CAMTA1: variants seen among roughly 807,000 people sequenced by gnomAD.
The protein encoded by CAMTA1 is calmodulin-binding transcription activator 1.
A neutral mutation model predicts 170.9 loss-of-function variants in CAMTA1; 27 were observed. The ratio of observed to expected loss-of-function variants is 0.16; its 90% CI spans 0.12 to 0.22. The LOEUF (loss-of-function observed/expected upper bound fraction) is 0.22, where lower values mean the gene tolerates loss of function less well. CAMTA1 is among the 10% of genes least tolerant of loss of function. CAMTA1 has a pLI of 1.00. For synonymous variants in CAMTA1, 833 were observed against 891.5 expected (o/e 0.93, Z 1.17); for missense variants, 1,619 against 2,217.2 (o/e 0.73, Z 5.42).
At position 7,476,437 on chromosome 1, in the gene CAMTA1, AGGAT is replaced by A. The variant is rs1392432385; in HGVS notation, c.510+8540_510+8543del. On this transcript the variant is annotated intron_variant, in intron 6 of 22. Coordinates refer to ENST00000303635, the MANE Select transcript of CAMTA1 (RefSeq NM_015215.4). Reference sequence around the variant, plus strand: ...CTGGAGGAGGTGAGCCCAAAGTTGAAGGATGGAAGAAATGGGGAGGGGGTGTTTC... The same window carrying A: ...CTGGAGGAGGTGAGCCCAAAGTTGAAGGAAGAAATGGGGAGGGGGTGTTTC... 2.2e-4 allele frequency among the ~76,000 whole-genome samples: 33 copies of A among 152,170 alleles called. 1 individual carries two copies. Among genetic ancestry groups the A allele is most frequent in the Admixed American group, 2.2e-3 (33 of 15,286 alleles).
intron 11 of CAMTA1, among the ~76,000 whole-genome samples, chr1:7,726,120 A>G (rs1363760070): frequency 1.3e-5 from 2 of 152,234 alleles, no homozygotes; most frequent in African/African-American, 2.4e-5. Context: ...TAGATCCAGG[A>G]GTTATGGGAC....
intron 9 of CAMTA1, among the ~76,000 whole-genome samples, chr1:7,668,975 C>T (rs1003974728): frequency 1.6e-4 from 25 of 152,158 alleles, no homozygotes; most frequent in Non-Finnish European, 7.4e-5. Flanking sequence ...TCCGCCGGCA[C>T]TCTTCTCAGC....
At chr1:7,176,748 G>A (rs1052479284) in intron 4 of CAMTA1, among the ~76,000 whole-genome samples, 19 of 152,192 alleles carry the variant, frequency 1.2e-4, no homozygotes, top group Non-Finnish European at 2.8e-4. Context: ...GTATAGTAAA[G>A]CAATGACAAT....
chr1:7,165,244 G>A (rs543323548), intron 4 of CAMTA1, among the ~76,000 whole-genome samples: 2 of 152,282 alleles, frequency 1.3e-5, no homozygotes, highest in East Asian at 3.9e-4. Context: ...GATACCTACA[G>A]ACAAGCATAG....
At chr1:7,602,144 C>CT (rs1194023975) in intron 6 of CAMTA1, among the ~76,000 whole-genome samples, 18 of 139,004 alleles carry the variant, frequency 1.3e-4, no homozygotes, top group African/African-American at 3.8e-4. Flanking sequence ...TCCTTCCTTC[C>CT]TCCCTCCCTC....
chr1:7,430,201 C>T (rs1387588840), intron 5 of CAMTA1, among the ~76,000 whole-genome samples: 1 of 151,270 alleles, frequency 6.6e-6, no homozygotes, highest in African/African-American at 2.4e-5. Context: ...ACGGTGATAA[C>T]ATGGATGATG....
intron 3 of CAMTA1, among the ~76,000 whole-genome samples, chr1:6,839,488 C>G (rs922319733): frequency 2.0e-5 from 3 of 152,158 alleles, no homozygotes; most frequent in African/African-American, 2.4e-5. Context: ...GTGCCAGGCA[C>G]TAGTTGGAGT....
At position 7,146,887 on chromosome 1, in the gene CAMTA1, CAT is replaced by C. The variant is rs1646223073; in HGVS notation, c.302+55519_302+55520del. Among the ~76,000 whole-genome samples, 1 of 151,908 alleles carries C rather than the reference CAT, an allele frequency of 6.6e-6. No individual in the cohort carries two copies. Among genetic ancestry groups the C allele is most frequent in the Non-Finnish European group, 1.5e-5 (1 of 67,994 alleles). On this transcript the variant is annotated intron_variant, in intron 4 of 22. Coordinates refer to ENST00000303635, the MANE Select transcript of CAMTA1 (RefSeq NM_015215.4). This position sits in a 1 kb window ranked among gnomAD's most constrained non-coding sequence, Gnocchi z 4.3. Reference sequence around the variant, plus strand: ...CACAACATGTACACAGACACTCAAACATATGCCGTGCATACACATACACATCA... The same window carrying C: ...CACAACATGTACACAGACACTCAAACATGCCGTGCATACACATACACATCA...
intron 6 of CAMTA1, among the ~76,000 whole-genome samples, chr1:7,617,426 G>T (rs940739726): frequency 6.6e-6 from 1 of 152,174 alleles, no homozygotes; most frequent in Non-Finnish European, 1.5e-5. Flanking sequence ...GAAATGGCTC[G>T]AGGCAATTCT....
intron 7 of CAMTA1, among the ~76,000 whole-genome samples, chr1:7,654,573 CA>C (rs2095867752): frequency 6.7e-6 from 1 of 149,322 alleles, no homozygotes; most frequent in South Asian, 2.2e-4. Flanking sequence ...TATACACACA[CA>C]CCTATACATA....
chr1:6,932,719 T>G (rs1684622581), intron 3 of CAMTA1, among the ~76,000 whole-genome samples: 1 of 152,240 alleles, frequency 6.6e-6, no homozygotes, highest in South Asian at 2.1e-4. Flanking sequence ...CGTCATGGTT[T>G]GAATTTGTAT....
Position 7,010,663 on chromosome 1 carries a change from G to A in CAMTA1, c.235-80641G>A, listed in dbSNP as rs912662931. On this transcript the variant is annotated intron_variant, in intron 3 of 22. Transcript: ENST00000303635. The surrounding 1 kb of genome is among the most constrained non-coding windows in gnomAD (Gnocchi z 4.4). ...GGCTCATAGCATGGGGCCTGGCACC[G>A]AATAGGTGCTGTTTACGTGATAGCT... 6.6e-6 allele frequency among the ~76,000 whole-genome samples: 1 copy of A among 152,132 alleles called. No homozygotes were observed. The highest frequency in any genetic ancestry group is 1.5e-5 in the Non-Finnish European group (1 of 68,020).
At position 7,249,709 on chromosome 1, in the gene CAMTA1, A is replaced by C; in HGVS notation, c.438+83A>C. 6.7e-7 allele frequency: 1 copy of C among 1,495,124 alleles called. No individual in the cohort carries two copies. The highest frequency in any genetic ancestry group is 1.3e-5 in the South Asian group (1 of 77,028). The allele number at this position is 1,495,124 out of a possible 1,614,324, so 92.6% of individuals were successfully genotyped here. On this transcript the variant is annotated intron_variant, in intron 5 of 22. Coordinates refer to ENST00000303635, the MANE Select transcript of CAMTA1 (RefSeq NM_015215.4). The surrounding 1 kb of genome is among the most constrained non-coding windows in gnomAD (Gnocchi z 4.4). ...GAATGGAATTGCTTGGAGTAATTTG[A>C]TGCGAGTCACCTCTGTCCAAAGAAT...
At chr1:6,984,681 T>G (rs932846316) in intron 3 of CAMTA1, among the ~76,000 whole-genome samples, 1 of 152,218 alleles carries the variant, frequency 6.6e-6, no homozygotes, top group African/African-American at 2.4e-5. Context: ...AGGCAGGACC[T>G]GGGCCAGTGG....
intron 5 of CAMTA1, among the ~76,000 whole-genome samples, chr1:7,467,102 G>T (rs1309623863): frequency 1.2e-4 from 18 of 152,058 alleles, no homozygotes; most frequent in Admixed American, 1.2e-3. Flanking sequence ...TGCTCACCTG[G>T]GTCTAGGTGA....
At chr1:7,605,221 G>A (rs1557991455) in intron 6 of CAMTA1, among the ~76,000 whole-genome samples, 1 of 152,216 alleles carries the variant, frequency 6.6e-6, no homozygotes, top group Non-Finnish European at 1.5e-5. Flanking sequence ...TGTCAGACAG[G>A]GACATTTAAG....
intron 4 of CAMTA1, among the ~76,000 whole-genome samples, chr1:7,166,106 G>A (rs1027352223): frequency 2.6e-5 from 4 of 151,108 alleles, no homozygotes; most frequent in East Asian, 1.9e-4. Context: ...TCGCTCTGTC[G>A]CCCAGGCTAG....
At chr1:7,496,688 C>T (rs960953423) in intron 6 of CAMTA1, among the ~76,000 whole-genome samples, 1 of 152,126 alleles carries the variant, frequency 6.6e-6, no homozygotes, top group Non-Finnish European at 1.5e-5. Flanking sequence ...AGGACAGCAT[C>T]CCCTACCCCT....
At chr1:7,134,658 T>C (rs1480618553) in intron 4 of CAMTA1, among the ~76,000 whole-genome samples, 6 of 152,198 alleles carry the variant, frequency 3.9e-5, no homozygotes, top group Non-Finnish European at 7.3e-5. Context: ...GCTGACTCCA[T>C]GTCTTTGCTA....
Sources: allele counts gnomAD v4.1 joint callset (sites outside exome capture counted in the v4.1 genomes callset), GRCh38; gene constraint gnomAD v4.1.1; non-coding constraint Gnocchi (gnomAD v3.1); transcripts MANE v1.5; gene names NCBI Gene and HGNC (gene_info 2026-07-23, HGNC 2026-07-21).